EEF1E1: variants seen among roughly 807,000 people sequenced by gnomAD.
EEF1E1 encodes eukaryotic translation elongation factor 1 epsilon-1.
EEF1E1 carries 19 observed loss-of-function variants against 19.9 expected under a neutral mutation model. The observed-to-expected ratio is 0.95, with a 90% confidence interval of 0.66 to 1.40. The LOEUF is 1.40. Among genes scored for constraint, EEF1E1 ranks in the 40% most tolerant of loss-of-function variants. The probability of loss-of-function intolerance (pLI) is 0.00; values close to 1 mark genes in which losing one functional copy is unlikely to be tolerated. For synonymous variants in EEF1E1, 81 were observed against 80.0 expected (o/e 1.01, Z -0.07); for missense variants, 198 against 202.2 (o/e 0.98, Z 0.13).
chr6:8,090,184 A>G lies in EEF1E1; in HGVS notation c.384+2T>C. On this transcript the variant is annotated splice_donor_variant, in intron 3 of 3. Transcript: ENST00000379715. LOFTEE classifies it high-confidence loss of function. ...AAAGCCAGTAACTATACAAATACTC[A>G]CTATAAAGCGATGAAGTCCATAGTA... 2.0e-6 allele frequency: 3 copies of G among 1,520,848 alleles called. No individual in the cohort carries two copies. Among genetic ancestry groups the G allele is most frequent in the Non-Finnish European group, 2.6e-6 (3 of 1,139,922 alleles). 94.2% of individuals were successfully genotyped at this position (1,520,848 alleles called of 1,614,324 possible).
intron 1 of EEF1E1, among the ~76,000 whole-genome samples, chr6:8,098,908 A>C (rs773077605): frequency 6.6e-6 from 1 of 152,244 alleles, no homozygotes; most frequent in Non-Finnish European, 1.5e-5. Context: ...CAACCCAAGC[A>C]TGCTCTCAAA....
chr6:8,073,463 T>C (rs1442562166), exon 4 of EEF1E1: 41 of 1,551,378 alleles, frequency 2.6e-5, no homozygotes, highest in Non-Finnish European at 3.4e-5. Flanking sequence ...CAGTTCCTTG[T>C]ATGATGTTGG....
At chr6:8,090,089 A>G (rs1269837624) in intron 3 of EEF1E1, 97 bp downstream of exon 3, 12 of 1,029,484 alleles carry the variant, frequency 1.2e-5, no homozygotes, top group Non-Finnish European at 1.6e-5. Context: ...TTTATTTGAT[A>G]AGCCAAAAAT....
At chr6:8,098,116 G>A (rs909237215) in intron 1 of EEF1E1, among the ~76,000 whole-genome samples, 1 of 148,926 alleles carries the variant, frequency 6.7e-6, no homozygotes, top group African/African-American at 2.6e-5. Flanking sequence ...AATAGAAATA[G>A]TATCTTTTTT....
chr6:8,079,786 A>T lies in EEF1E1; in HGVS notation c.*104T>A. 1 of 1,378,538 alleles carries T rather than the reference A, an allele frequency of 7.3e-7. No homozygotes were observed. The highest frequency in any genetic ancestry group is 9.4e-7 in the Non-Finnish European group (1 of 1,060,386). 85.4% of individuals were successfully genotyped at this position (1,378,538 alleles called of 1,614,324 possible). A position where few individuals can be genotyped will look rare whatever the true frequency, so the allele number is the denominator to read the frequency against. On this transcript the variant is annotated 3_prime_UTR_variant, in exon 4 of 4. Coordinates refer to ENST00000379715, the MANE Select transcript of EEF1E1 (RefSeq NM_004280.5). ...CTTCAAAAATTCTATCAACTTCAAC[A>T]AATAATGAATGACTGTATATTAATT...
At chr6:8,077,472 CA>C (rs1472936060), downstream of EEF1E1, among the ~76,000 whole-genome samples, 3 of 152,154 alleles carry the variant, frequency 2.0e-5, no homozygotes, top group Non-Finnish European at 2.9e-5. Context: ...TTAGTGTAGC[CA>C]CCTTCACCCA....
intron 2 of EEF1E1, chr6:8,095,598 A>G (rs1397757476): frequency 6.3e-6 from 1 of 159,274 alleles, no homozygotes; most frequent in African/African-American, 2.5e-5. Context: ...GCACACATAT[A>G]TACAAAAGGA....
chr6:8,073,725 T>G (rs1286475073), intron 3 of EEF1E1, among the ~76,000 whole-genome samples: 1 of 152,254 alleles, frequency 6.6e-6, no homozygotes, highest in African/African-American at 2.4e-5. Context: ...TGAAATGTGG[T>G]CAGTGGAAAT....
In EEF1E1 at chr6:8,101,243, A is replaced by AAAAT. The variant is rs1271033598; in HGVS notation, c.87+1191_87+1192insATTT. Among the ~76,000 whole-genome samples the AAAAT allele has an allele frequency of 6.8e-4, 40 of 58,454 alleles. 1 individual carries two copies. The highest frequency in any genetic ancestry group is 1.1e-3 in the Non-Finnish European group (38 of 34,386). 38.3% of individuals were successfully genotyped at this position (58,454 alleles called of 152,430 possible). ...TTTGTCTCAAAAAAAAAAAAAAAAA[A>AAAAT]ATATATATATATATATATATATATA... On this transcript the variant is annotated intron_variant, in intron 1 of 3. Transcript: ENST00000379715.
rs754417598 is a variant in EEF1E1, at chr6:8,102,539, T to C, written c.-18A>G. 55 of 1,607,856 alleles carry C rather than the reference T, an allele frequency of 3.4e-5. 1 individual carries two copies. The South Asian group carries it at 5.8e-4, about 17-fold the overall frequency. ...GCCGCCATCTTCCGGCCGTAGCTCC[T>C]GGCAGACGCGAGACCTGCAGAACAA... On this transcript the variant is annotated 5_prime_UTR_variant, in exon 1 of 4. Transcript: ENST00000379715.
chr6:8,075,415 A>G (rs772201697), downstream of EEF1E1, among the ~76,000 whole-genome samples: 1 of 152,010 alleles, frequency 6.6e-6, no homozygotes, highest in Non-Finnish European at 1.5e-5. Flanking sequence ...CTAGACCACC[A>G]CAATAAAGTA....
chr6:8,096,529 C>T (rs1449457018), intron 2 of EEF1E1, among the ~76,000 whole-genome samples: 3 of 152,178 alleles, frequency 2.0e-5, no homozygotes, highest in Non-Finnish European at 4.4e-5. Context: ...TCTTGTACAA[C>T]TTACATTGCC....
At chr6:8,099,751 A>AACACAC (rs1554099744) in intron 1 of EEF1E1, among the ~76,000 whole-genome samples, 7,595 of 92,732 alleles carry the variant, frequency 0.082, 406 homozygotes, top group Middle Eastern at 0.11. Flanking sequence ...CCGCCTCAAA[A>AACACAC]ACACACACAC....
chr6:8,074,078 C>T (rs1757538529), intron 3 of EEF1E1, among the ~76,000 whole-genome samples: 1 of 152,180 alleles, frequency 6.6e-6, no homozygotes, highest in African/African-American at 2.4e-5. Flanking sequence ...CTGTCCCCCT[C>T]TTGCTGTTTC....
chr6:8,088,282 G>A (rs919172521), intron 3 of EEF1E1, among the ~76,000 whole-genome samples: 16 of 152,300 alleles, frequency 1.1e-4, no homozygotes, highest in Non-Finnish European at 2.4e-4. Context: ...ACAATCTGGA[G>A]CAAGATCCAG....
intron 3 of EEF1E1, among the ~76,000 whole-genome samples, chr6:8,087,293 G>A (rs1431750646): frequency 6.6e-6 from 1 of 152,104 alleles, no homozygotes. Flanking sequence ...TCTCTGCTCA[G>A]GGCAACCTCT....
intron 3 of EEF1E1, among the ~76,000 whole-genome samples, chr6:8,081,438 C>T (rs1757722087): frequency 6.6e-6 from 1 of 152,118 alleles, no homozygotes; most frequent in Non-Finnish European, 1.5e-5. Flanking sequence ...TTCATGGTTT[C>T]ACATGAAAGA....
In EEF1E1 at chr6:8,101,596, T is replaced by C. The variant is rs139261873; in HGVS notation, c.87+839A>G. On this transcript the variant is annotated intron_variant, in intron 1 of 3. Coordinates refer to ENST00000379715, the MANE Select transcript of EEF1E1 (RefSeq NM_004280.5). ...TGGACCAAATGAAGAAGAGAAAAAA[T>C]TAAAGACAAAAACCAAACATCATTT... Among the ~76,000 whole-genome samples the C allele has an allele frequency of 3.9e-3, 594 of 151,650 alleles. 2 individuals carry two copies. The highest frequency in any genetic ancestry group is 0.012 in the African/African-American group (507 of 41,332).
intron 1 of EEF1E1, among the ~76,000 whole-genome samples, chr6:8,098,280 C>T (rs115599763): frequency 0.014 from 2,082 of 152,080 alleles, 35 homozygotes; most frequent in African/African-American, 0.047. Flanking sequence ...CCACCACACC[C>T]GGAAGTTTTT....
Sources: allele counts gnomAD v4.1 joint callset (sites outside exome capture counted in the v4.1 genomes callset), GRCh38; gene constraint gnomAD v4.1.1; transcripts MANE v1.5; gene names NCBI Gene and HGNC (gene_info 2026-07-23, HGNC 2026-07-21).